The following TBC1D12 variants were observed in gnomAD, a reference collection of about 807,000 sequenced individuals.
The protein encoded by TBC1D12 is TBC1 domain family member 12.
In TBC1D12, 56 loss-of-function variants were observed where a neutral mutation model predicts 86.7. That is an observed-to-expected ratio of 0.65 (90% CI 0.52 to 0.81). The LOEUF is 0.81. Among genes scored for constraint, TBC1D12 ranks in the 30% least tolerant of loss-of-function variants. The pLI, the probability that TBC1D12 is intolerant of heterozygous loss-of-function variation, is 0.00. For missense variants in TBC1D12, 1,023 were observed against 1,038.8 expected, an observed-to-expected ratio of 0.98 and a Z score of 0.21; for synonymous variants, 421 against 411.7, an observed-to-expected ratio of 1.02 and a Z score of -0.27.
chr10:94,510,964 CAG>C (rs2056518679), intron 8 of TBC1D12, among the ~76,000 whole-genome samples: 1 of 151,982 alleles, frequency 6.6e-6, no homozygotes, highest in Admixed American at 6.6e-5. Context: ...TAAAATGAAA[CAG>C]TGTGTATTCA....
In TBC1D12 at chr10:94,463,992, G is replaced by A. The variant is rs571802283; in HGVS notation, c.1096-10676G>A. ...AAGTTGTCTTGGTGAATTGGTCCCTGTGTCATCAATGATATGTCCTTTTTG... is the reference window on the plus strand; with the variant it reads ...AAGTTGTCTTGGTGAATTGGTCCCTATGTCATCAATGATATGTCCTTTTTG... On this transcript the variant is annotated intron_variant, in intron 2 of 12. Coordinates refer to ENST00000225235, the MANE Select transcript of TBC1D12 (RefSeq NM_015188.2). 9.9e-5 allele frequency among the ~76,000 whole-genome samples: 15 copies of A among 152,194 alleles called. 1 individual carries two copies. In the South Asian group the frequency reaches 3.1e-3, roughly 32 times the overall value.
At chr10:94,437,772 T>G (rs12256637) in intron 1 of TBC1D12, among the ~76,000 whole-genome samples, 3,388 of 152,168 alleles carry the variant, frequency 0.022, 121 homozygotes, top group African/African-American at 0.075. Context: ...ATCATCATAT[T>G]TGCCAGCTCT....
intron 1 of TBC1D12, among the ~76,000 whole-genome samples, chr10:94,419,291 A>C (rs1483888928): frequency 6.6e-6 from 1 of 152,202 alleles, no homozygotes; most frequent in Admixed American, 6.5e-5. Flanking sequence ...AAGTATATTA[A>C]GTATATAGGT....
intron 6 of TBC1D12, among the ~76,000 whole-genome samples, chr10:94,505,884 G>A (rs898247863): frequency 2.3e-4 from 35 of 152,166 alleles, no homozygotes; most frequent in African/African-American, 7.7e-4. Flanking sequence ...CATGAAACAT[G>A]TTGCCACTTT....
chr10:94,487,448 T>G (rs983399227), intron 3 of TBC1D12, among the ~76,000 whole-genome samples: 4 of 151,902 alleles, frequency 2.6e-5, no homozygotes, highest in African/African-American at 9.7e-5. Context: ...TGGTATGATT[T>G]AATTTCTTGC....
chr10:94,498,096 G>A (rs1157932788), intron 5 of TBC1D12, among the ~76,000 whole-genome samples: 2 of 152,134 alleles, frequency 1.3e-5, no homozygotes, highest in Non-Finnish European at 2.9e-5. Flanking sequence ...TGAGATTACA[G>A]GCGTGAGCCA....
intron 4 of TBC1D12, among the ~76,000 whole-genome samples, chr10:94,496,372 G>A (rs1011499653): frequency 6.6e-6 from 1 of 152,018 alleles, no homozygotes; most frequent in African/African-American, 2.4e-5. Context: ...GAGATGTACT[G>A]TTAATATATG....
In TBC1D12 at chr10:94,402,701, AG is replaced by A; in HGVS notation, c.90del (p.Lys31ArgfsTer2). ...VPAPDPVGQD[R>X]KVIRATGGFG... ...TGCGCCGGACCCCGTGGGCCAGGAC[AG>A]GAAGGTAATCCGGGCCACGGGCGGC... On this transcript the variant is annotated frameshift_variant, in exon 1 of 13. Coordinates refer to ENST00000225235, the MANE Select transcript of TBC1D12 (RefSeq NM_015188.2). LOFTEE classifies it high-confidence loss of function. 1 of 1,596,454 alleles carries A rather than the reference AG, an allele frequency of 6.3e-7. No individual in the cohort carries two copies. The highest frequency in any genetic ancestry group is 1.1e-5 in the South Asian group (1 of 88,900).
intron 5 of TBC1D12, among the ~76,000 whole-genome samples, chr10:94,499,818 C>T (rs924631400): frequency 3.3e-5 from 5 of 152,086 alleles, no homozygotes; most frequent in Non-Finnish European, 5.9e-5. Context: ...ACTTTAAAGC[C>T]GACAGTTTTT....
chr10:94,534,370 T>G lies in TBC1D12; in HGVS notation c.*1274T>G, dbSNP rs1842503462. 1 of 152,212 alleles carries G rather than the reference T, an allele frequency of 6.6e-6. No individual in the cohort carries two copies. The highest frequency in any genetic ancestry group is 2.4e-5 in the African/African-American group (1 of 41,470). 9.4% of individuals were successfully genotyped at this position (152,212 alleles called of 1,614,324 possible). ...TATCCGCTAGTCTAGATAGTGACTC[T>G]TTGGAAAATTGGTAGCCTCTGAATG... On this transcript the variant is annotated 3_prime_UTR_variant, in exon 13 of 13. Transcript: ENST00000225235.
intron 2 of TBC1D12, among the ~76,000 whole-genome samples, chr10:94,459,587 C>T (rs1253308733): frequency 6.6e-6 from 1 of 152,208 alleles, no homozygotes; most frequent in African/African-American, 2.4e-5. Context: ...AGGAGCCCAC[C>T]AGGGGGGTTG....
In TBC1D12 at chr10:94,447,045, C is replaced by T. The variant is rs143598484; in HGVS notation, c.1095+5026C>T. On this transcript the variant is annotated intron_variant, in intron 2 of 12. Transcript: ENST00000225235. Reference sequence around the variant, plus strand: ...CCGAGGTCGTGCCACTGCACTCTAGCCTGAGCTGTTTCAAAAAAAAAAAAA... The same window carrying T: ...CCGAGGTCGTGCCACTGCACTCTAGTCTGAGCTGTTTCAAAAAAAAAAAAA... Among the ~76,000 whole-genome samples, 18 of 142,900 alleles carry T rather than the reference C, an allele frequency of 1.3e-4. No homozygotes were observed. The East Asian group carries it at 3.7e-3, about 30-fold the overall frequency. 93.7% of individuals were successfully genotyped at this position (142,900 alleles called of 152,430 possible).
At chr10:94,466,418 A>G (rs2055825302) in intron 2 of TBC1D12, among the ~76,000 whole-genome samples, 1 of 152,014 alleles carries the variant, frequency 6.6e-6, no homozygotes, top group African/African-American at 2.4e-5. Context: ...TTGACAACAT[A>G]TATATATGTA....
chr10:94,476,266 G>A (rs1331767090), intron 3 of TBC1D12, among the ~76,000 whole-genome samples: 1 of 151,824 alleles, frequency 6.6e-6, no homozygotes, highest in Non-Finnish European at 1.5e-5. Context: ...TTTGGACATT[G>A]CAAGAGAAAA....
At chr10:94,470,294 T>C (rs2055884576) in intron 2 of TBC1D12, among the ~76,000 whole-genome samples, 1 of 152,198 alleles carries the variant, frequency 6.6e-6, no homozygotes. Flanking sequence ...CTGTTATATA[T>C]AATCAAAAAC....
chr10:94,403,292 T>G lies in TBC1D12; in HGVS notation c.679T>G (p.Cys227Gly). 6.7e-7 allele frequency: 1 copy of G among 1,500,454 alleles called. No individual in the cohort carries two copies. The highest frequency in any genetic ancestry group is 8.9e-7 in the Non-Finnish European group (1 of 1,126,476). The allele number at this position is 1,500,454 out of a possible 1,614,324, so 92.9% of individuals were successfully genotyped here. A position where few individuals can be genotyped will look rare whatever the true frequency, so the allele number is the denominator to read the frequency against. The change falls in exon 1 of 13, where the codon TGC (cysteine) becomes GGC (glycine). Residue 227 changes from cysteine to glycine, a missense_variant. Around this residue, in one of 2 missense-constraint regions of TBC1D12, gnomAD observed 628 missense variants for 531.1 expected, o/e 1.18. Coordinates refer to ENST00000225235, the MANE Select transcript of TBC1D12 (RefSeq NM_015188.2). ...SDSGDSPASSCSSSEDSEQRG... is the reference protein window; with the variant it reads ...SDSGDSPASSGSSSEDSEQRG... ...CTCGGGGGACAGCCCCGCCAGCAGCTGCAGCAGTAGCGAGGACTCAGAGCA... is the reference window on the plus strand; with the variant it reads ...CTCGGGGGACAGCCCCGCCAGCAGCGGCAGCAGTAGCGAGGACTCAGAGCA...
intron 2 of TBC1D12, among the ~76,000 whole-genome samples, chr10:94,465,670 ATGTGTGTGTGTG>A (rs34828664): frequency 1.4e-5 from 2 of 137,934 alleles, no homozygotes; most frequent in African/African-American, 2.7e-5. Flanking sequence ...ATATATATAT[ATGTGTGTGTGTG>A]TGTGTGTGTG....
At chr10:94,480,693 A>T (rs962783815) in intron 3 of TBC1D12, among the ~76,000 whole-genome samples, 1 of 150,870 alleles carries the variant, frequency 6.6e-6, no homozygotes. Flanking sequence ...CTCTACAAAA[A>T]AAATATATAT....
chr10:94,520,319 G>T (rs1352935731), intron 9 of TBC1D12, among the ~76,000 whole-genome samples: 2 of 152,112 alleles, frequency 1.3e-5, no homozygotes, highest in African/African-American at 2.4e-5. Flanking sequence ...TTGGGAGGCC[G>T]AGGTGGGTGG....
Sources: gnomAD v4.1 joint callset for allele counts (sites outside exome capture counted in the v4.1 genomes callset) on GRCh38, gnomAD v4.1.1 for gene constraint, gnomAD v4.1.1 regional missense constraint, MANE v1.5 for transcripts, NCBI Gene and HGNC (gene_info 2026-07-23, HGNC 2026-07-21) for gene names.